CDYL2: variants seen among roughly 807,000 people sequenced by gnomAD.
The protein encoded by CDYL2 is chromodomain Y-like protein 2.
Under a neutral mutation model 49.4 loss-of-function variants are expected in CDYL2, and 23 were observed. The ratio of observed to expected loss-of-function variants is 0.47; its 90% confidence interval spans 0.34 to 0.66. The LOEUF is 0.66. Among genes scored for constraint, CDYL2 ranks in the 30% least tolerant of loss-of-function variants. The pLI, the probability that CDYL2 is intolerant of heterozygous loss-of-function variation, is 0.01. For synonymous variants in CDYL2, 360 were observed against 268.8 expected, an observed-to-expected ratio of 1.34 and a Z score of -3.32; for missense variants, 678 against 656.4, an observed-to-expected ratio of 1.03 and a Z score of -0.36.
intron 1 of CDYL2, among the ~76,000 whole-genome samples, chr16:80,769,807 A>T (rs1906847639): frequency 1.3e-5 from 2 of 152,216 alleles, no homozygotes; most frequent in Admixed American, 1.3e-4. Flanking sequence ...TAAACTGAAA[A>T]AGAATCAGAT....
chr16:80,705,811 C>T (rs1904385239), intron 1 of CDYL2, among the ~76,000 whole-genome samples: 1 of 152,234 alleles, frequency 6.6e-6, no homozygotes, highest in South Asian at 2.1e-4. Flanking sequence ...TTTATAAAAA[C>T]AAATGGTGGG....
At chr16:80,615,105 G>T (rs1462551942) in intron 4 of CDYL2, among the ~76,000 whole-genome samples, 2 of 152,132 alleles carry the variant, frequency 1.3e-5, no homozygotes, top group Non-Finnish European at 2.9e-5. Context: ...TCCCTAAGAT[G>T]GTGGAGTTAG....
Position 80,739,014 on chromosome 16 carries a change from T to A in CDYL2, c.25-53885A>T, listed in dbSNP as rs764804701. Among the ~76,000 whole-genome samples, 126 of 152,288 alleles carry A rather than the reference T, an allele frequency of 8.3e-4. 2 individuals carry two copies. Among genetic ancestry groups the A allele is most frequent in the Non-Finnish European group, 4.1e-4 (28 of 68,020 alleles). ...AAGGTGGAAGCAACCCGATTTTCCA[T>A]CAATGGATGAATGGATAAACAAAAC... On this transcript the variant is annotated intron_variant, in intron 1 of 6. Transcript: ENST00000570137.
At chr16:80,630,736 T>C (rs777156327) in intron 3 of CDYL2, among the ~76,000 whole-genome samples, 2 of 152,100 alleles carry the variant, frequency 1.3e-5, no homozygotes, top group Non-Finnish European at 2.9e-5. Flanking sequence ...GCCACAGTGC[T>C]TCCCTCACCA....
rs559082936 is a variant in CDYL2, at chr16:80,598,535, T to C, written c.*5853A>G. On this transcript the variant is annotated 3_prime_UTR_variant, in exon 7 of 7. Transcript: ENST00000570137. ...AATGAAGAACAAAAGGAGGCAGACATTTGGAAAGTGCAGGATCCTACTGTT... is the reference window on the plus strand; with the variant it reads ...AATGAAGAACAAAAGGAGGCAGACACTTGGAAAGTGCAGGATCCTACTGTT... 2 of 152,162 alleles carry C rather than the reference T, an allele frequency of 1.3e-5. No homozygotes were observed. The highest frequency in any genetic ancestry group is 4.2e-4 in the South Asian group (2 of 4,812). 9.4% of individuals were successfully genotyped at this position (152,162 alleles called of 1,614,324 possible).
At chr16:80,672,870 T>C (rs1909586713) in intron 2 of CDYL2, among the ~76,000 whole-genome samples, 2 of 152,214 alleles carry the variant, frequency 1.3e-5, no homozygotes, top group African/African-American at 4.8e-5. Flanking sequence ...TTGCTGTTAT[T>C]GTCATTATTA....
At chr16:80,731,346 C>T (rs548297449) in intron 1 of CDYL2, among the ~76,000 whole-genome samples, 1 of 151,866 alleles carries the variant, frequency 6.6e-6, no homozygotes, top group African/African-American at 2.4e-5. Flanking sequence ...AGAGGAAATG[C>T]AAGAAATTTA....
intron 2 of CDYL2, among the ~76,000 whole-genome samples, chr16:80,641,970 G>A (rs1357670498): frequency 6.6e-6 from 1 of 151,364 alleles, no homozygotes; most frequent in Non-Finnish European, 1.5e-5. Flanking sequence ...CAAGTTCACA[G>A]AAAAAAACGG....
rs1418622208 is a variant in CDYL2 at position 80,784,584 on chromosome 16, GA to G, written c.24+19565del. 3.9e-5 allele frequency among the ~76,000 whole-genome samples: 6 copies of G among 152,122 alleles called. No homozygotes were observed. In the East Asian group the frequency reaches 1.2e-3, roughly 29 times the overall value. On this transcript the variant is annotated intron_variant, in intron 1 of 6. Coordinates refer to ENST00000570137, the MANE Select transcript of CDYL2 (RefSeq NM_152342.4). ...AATAAACATATCAGGGTAAGAGCAG[GA>G]AAAAAAGATAGTGATGTTTAACCTG... is the stretch of plus-strand genomic sequence containing the variant.
chr16:80,727,527 G>A (rs7191319), intron 1 of CDYL2, among the ~76,000 whole-genome samples: 2 of 152,182 alleles, frequency 1.3e-5, no homozygotes, highest in African/African-American at 4.8e-5. Context: ...GGGGAGGGGC[G>A]CCTGCCATTG....
chr16:80,618,145 C>T (rs568705304), intron 4 of CDYL2, among the ~76,000 whole-genome samples: 7 of 152,328 alleles, frequency 4.6e-5, no homozygotes, highest in South Asian at 2.1e-4. Flanking sequence ...CTCCTGCCTC[C>T]GCCATCTTGC....
chr16:80,611,765 G>T (rs12446424), intron 5 of CDYL2, among the ~76,000 whole-genome samples: 48,822 of 152,086 alleles, frequency 0.32, 8,803 homozygotes, highest in African/African-American at 0.49. Flanking sequence ...GGGCGTGGAC[G>T]GCGTTGACAG....
At chr16:80,691,119 A>G in intron 1 of CDYL2, among the ~76,000 whole-genome samples, 1 of 152,098 alleles carries the variant, frequency 6.6e-6, no homozygotes, top group Non-Finnish European at 1.5e-5. Flanking sequence ...TCCATATACC[A>G]GAGCAGCCAT....
chr16:80,708,977 T>C (rs1904497465), intron 1 of CDYL2, among the ~76,000 whole-genome samples: 1 of 152,216 alleles, frequency 6.6e-6, no homozygotes, highest in Non-Finnish European at 1.5e-5. Context: ...ATAAAAATGT[T>C]CTTCTGGCAG....
At chr16:80,654,566 C>T (rs1232415343) in intron 2 of CDYL2, among the ~76,000 whole-genome samples, 3 of 152,200 alleles carry the variant, frequency 2.0e-5, no homozygotes, top group African/African-American at 7.2e-5. Flanking sequence ...AGGAATTGCC[C>T]CTCTGCATAC....
chr16:80,718,158 A>C (rs553192639), intron 1 of CDYL2, among the ~76,000 whole-genome samples: 2 of 152,228 alleles, frequency 1.3e-5, no homozygotes, highest in Non-Finnish European at 2.9e-5. Context: ...CTGTCTCCAA[A>C]GCCCGTGCTC....
chr16:80,781,477 C>A (rs1018206486), intron 1 of CDYL2, among the ~76,000 whole-genome samples: 1 of 151,946 alleles, frequency 6.6e-6, no homozygotes, highest in Non-Finnish European at 1.5e-5. Flanking sequence ...ATAGACAGAA[C>A]AACTAGACAG....
At chr16:80,761,426 T>C (rs548123962) in intron 1 of CDYL2, among the ~76,000 whole-genome samples, 5 of 152,350 alleles carry the variant, frequency 3.3e-5, no homozygotes, top group African/African-American at 4.8e-5. Context: ...CAGAGCTTAG[T>C]AGAGAGCTTG....
chr16:80,734,775 A>G (rs2142543703), intron 1 of CDYL2, among the ~76,000 whole-genome samples: 1 of 152,278 alleles, frequency 6.6e-6, no homozygotes, highest in Non-Finnish European at 1.5e-5. Flanking sequence ...GCCACATACT[A>G]TTACACATTC....
Sources: gnomAD v4.1 joint callset for allele counts (sites outside exome capture counted in the v4.1 genomes callset) on GRCh38, gnomAD v4.1.1 for gene constraint, MANE v1.5 for transcripts, NCBI Gene and HGNC (gene_info 2026-07-23, HGNC 2026-07-21) for gene names.